NXPH1: variants seen among roughly 807,000 people sequenced by gnomAD.
NXPH1 encodes neurexophilin 1.
NXPH1 carries 5 observed loss-of-function variants against 23.7 expected under a neutral mutation model. The ratio of observed to expected loss-of-function variants is 0.21; its 90% CI spans 0.11 to 0.44. The LOEUF (loss-of-function observed/expected upper bound fraction) is 0.44, where lower values mean the gene tolerates loss of function less well. Ranked by LOEUF, NXPH1 falls within the 20% of genes least tolerant of loss-of-function variation. NXPH1 has a pLI of 0.99. For missense variants in NXPH1, 324 were observed against 321.6 expected (o/e 1.01, Z -0.06); for synonymous variants, 144 against 122.2 (o/e 1.18, Z -1.18).
At chr7:8,662,676 T>G (rs948252026) in intron 2 of NXPH1, among the ~76,000 whole-genome samples, 3 of 152,062 alleles carry the variant, frequency 2.0e-5, no homozygotes, top group Non-Finnish European at 4.4e-5. Context: ...GAAAGTCAGA[T>G]AGCAAGTAAA....
intron 2 of NXPH1, among the ~76,000 whole-genome samples, chr7:8,457,266 A>T (rs1238813843): frequency 3.3e-5 from 5 of 152,180 alleles, no homozygotes; most frequent in African/African-American, 1.2e-4. Context: ...ATAAATGTCT[A>T]CTTCTCTGGT....
At chr7:8,725,404 G>T (rs1428027214) in intron 2 of NXPH1, among the ~76,000 whole-genome samples, 1 of 151,672 alleles carries the variant, frequency 6.6e-6, no homozygotes, top group Non-Finnish European at 1.5e-5. Context: ...GCATGAGGAT[G>T]GCTAGAACCT....
rs570628260 is a variant in NXPH1 at position 8,615,597 on chromosome 7, C to G, written c.55-135411C>G. Among the ~76,000 whole-genome samples the G allele has an allele frequency of 1.8e-4, 28 of 152,172 alleles. No individual in the cohort carries two copies. The South Asian group carries it at 5.8e-3, about 32-fold the overall frequency. ...CATTTTGGAACAATTATATCAGAAT[C>G]TGTAAAATAACTATTATGTCAATAT... On this transcript the variant is annotated intron_variant, in intron 2 of 2. Transcript: ENST00000405863.
At chr7:8,750,950 ATTGGG>A (rs1384005173) in intron 2 of NXPH1, 53 bp from the exon 3 acceptor site, 2 of 1,518,596 alleles carry the variant, frequency 1.3e-6, no homozygotes, top group Non-Finnish European at 1.8e-6. Flanking sequence ...AGATCTATGC[ATTGGG>A]TGTTATTCTC....
At chr7:8,625,599 A>C (rs908672165) in intron 2 of NXPH1, among the ~76,000 whole-genome samples, 20 of 152,140 alleles carry the variant, frequency 1.3e-4, no homozygotes, top group African/African-American at 3.9e-4. Flanking sequence ...TCTGAAGAGG[A>C]TAGTGTTCCA....
At chr7:8,452,877 A>C (rs1362026436) in intron 2 of NXPH1, among the ~76,000 whole-genome samples, 1 of 152,120 alleles carries the variant, frequency 6.6e-6, no homozygotes, top group Non-Finnish European at 1.5e-5. Context: ...GGCAAAAATT[A>C]ACTGGATCCT....
intron 2 of NXPH1, among the ~76,000 whole-genome samples, chr7:8,696,476 T>A (rs10243936): frequency 0.11 from 17,087 of 152,202 alleles, 1,738 homozygotes; most frequent in African/African-American, 0.27. Context: ...GATATTGTGA[T>A]TGGAATAAAC....
At chr7:8,463,832 G>C (rs998153113) in intron 2 of NXPH1, among the ~76,000 whole-genome samples, 1 of 152,008 alleles carries the variant, frequency 6.6e-6, no homozygotes, top group African/African-American at 2.4e-5. Flanking sequence ...ATTATCTAAG[G>C]GGTTTTGTAC....
intron 2 of NXPH1, among the ~76,000 whole-genome samples, chr7:8,557,821 A>G (rs1323282847): frequency 6.6e-6 from 1 of 151,596 alleles, no homozygotes; most frequent in Non-Finnish European, 1.5e-5. Context: ...CTGGACCCAT[A>G]TTTTCCTCCT....
At chr7:8,708,736 G>T (rs1485077624) in intron 2 of NXPH1, among the ~76,000 whole-genome samples, 1 of 152,034 alleles carries the variant, frequency 6.6e-6, no homozygotes, top group Non-Finnish European at 1.5e-5. Context: ...TTGGTGGTAT[G>T]CTATTATCAT....
intron 2 of NXPH1, among the ~76,000 whole-genome samples, chr7:8,584,384 T>A (rs185726483): frequency 1.4e-4 from 21 of 152,292 alleles, no homozygotes; most frequent in African/African-American, 5.1e-4. Context: ...CCCTACAGAC[T>A]TGTCTTCCTC....
At chr7:8,444,506 C>T (rs1351966333) in intron 2 of NXPH1, among the ~76,000 whole-genome samples, 1 of 152,228 alleles carries the variant, frequency 6.6e-6, no homozygotes, top group African/African-American at 2.4e-5. Context: ...CCCATTTCTC[C>T]TCTCTTCCGC....
rs751071142 is a variant in NXPH1, at chr7:8,743,995, ACT to A, written c.55-7010_55-7009del. On this transcript the variant is annotated intron_variant, in intron 2 of 2. Transcript: ENST00000405863. ...CACCGCGCCCTGCCAAAGCATGGCAACTCTTCATGTGCTCACACTTCCACCAT... is the reference window on the plus strand; with the variant it reads ...CACCGCGCCCTGCCAAAGCATGGCAACTTCATGTGCTCACACTTCCACCAT... 1.3e-4 allele frequency among the ~76,000 whole-genome samples: 19 copies of A among 151,964 alleles called. No individual in the cohort carries two copies. In the East Asian group the frequency reaches 2.1e-3, roughly 17 times the overall value.
At chr7:8,748,154 T>G (rs1262387740) in intron 2 of NXPH1, among the ~76,000 whole-genome samples, 1 of 152,236 alleles carries the variant, frequency 6.6e-6, no homozygotes, top group African/African-American at 2.4e-5. Flanking sequence ...AATTAATATT[T>G]AGTCCTTATT....
intron 2 of NXPH1, among the ~76,000 whole-genome samples, chr7:8,436,572 G>A (rs1816199779): frequency 6.6e-6 from 1 of 152,090 alleles, no homozygotes; most frequent in Non-Finnish European, 1.5e-5. Context: ...ATTGGTAGCT[G>A]TTTGTGCCAT....
chr7:8,589,422 A>C (rs771371735), intron 2 of NXPH1, among the ~76,000 whole-genome samples: 12 of 152,142 alleles, frequency 7.9e-5, no homozygotes, highest in Non-Finnish European at 1.5e-4. Context: ...GTAAGTATGC[A>C]CACCAGCAAA....
intron 2 of NXPH1, among the ~76,000 whole-genome samples, chr7:8,739,949 A>C (rs751095129): frequency 6.6e-6 from 1 of 152,194 alleles, no homozygotes; most frequent in Admixed American, 6.5e-5. Flanking sequence ...TGGGACCACC[A>C]TTGTATATGC....
At chr7:8,640,851 G>A (rs1436468973) in intron 2 of NXPH1, among the ~76,000 whole-genome samples, 1 of 152,046 alleles carries the variant, frequency 6.6e-6, no homozygotes. Context: ...TGACTCATGG[G>A]GCTGGGGCTG....
At chr7:8,729,325 G>A (rs1349854991) in intron 2 of NXPH1, among the ~76,000 whole-genome samples, 10 of 140,902 alleles carry the variant, frequency 7.1e-5, no homozygotes, top group Admixed American at 7.1e-4. Flanking sequence ...AGGGTTTTTT[G>A]TGTCTCTATT....
Sources: allele counts gnomAD v4.1 joint callset (sites outside exome capture counted in the v4.1 genomes callset), GRCh38; gene constraint gnomAD v4.1.1; transcripts MANE v1.5; gene names NCBI Gene and HGNC (gene_info 2026-07-23, HGNC 2026-07-21).